Variants in PRKG1 observed in about 807,000 individuals in gnomAD.
PRKG1 encodes cGMP-dependent protein kinase 1.
PRKG1 carries 35 observed loss-of-function variants against 88.1 expected under a neutral mutation model. The observed-to-expected ratio is 0.40, with a 90% CI of 0.30 to 0.53. The LOEUF is 0.53. Among genes scored for constraint, PRKG1 ranks in the 20% least tolerant of loss-of-function variants. PRKG1 has a pLI of 0.59. For synonymous variants in PRKG1, 303 were observed against 292.5 expected, an observed-to-expected ratio of 1.04 and a Z score of -0.37; for missense variants, 540 against 839.8, an observed-to-expected ratio of 0.64 and a Z score of 4.41.
At chr10:51,841,666 C>T (rs560383369) in intron 4 of PRKG1, among the ~76,000 whole-genome samples, 44 of 151,462 alleles carry the variant, frequency 2.9e-4, no homozygotes, top group Non-Finnish European at 5.3e-4. Context: ...AAAAAAAGAC[C>T]AAAATATGGT....
At chr10:51,588,143 A>C (rs1345594832) in intron 3 of PRKG1, among the ~76,000 whole-genome samples, 1 of 152,188 alleles carries the variant, frequency 6.6e-6, no homozygotes, top group African/African-American at 2.4e-5. Context: ...TCATTCATTT[A>C]AACCAGAAAA....
intron 2 of PRKG1, among the ~76,000 whole-genome samples, chr10:51,329,707 C>G (rs907130299): frequency 6.6e-6 from 1 of 152,094 alleles, no homozygotes; most frequent in African/African-American, 2.4e-5. Context: ...GTATTCTTAG[C>G]TGGGTTCCTT....
chr10:51,595,362 C>T (rs929386670), intron 3 of PRKG1, among the ~76,000 whole-genome samples: 9 of 152,124 alleles, frequency 5.9e-5, no homozygotes, highest in Non-Finnish European at 1.3e-4. Context: ...GTGGTGGTGG[C>T]TCATGCCTGT....
chr10:52,001,050 G>A (rs1196516080), intron 5 of PRKG1, among the ~76,000 whole-genome samples: 5 of 151,822 alleles, frequency 3.3e-5, no homozygotes, highest in Non-Finnish European at 7.4e-5. Flanking sequence ...CTATTACGGT[G>A]GGTTCAAAGT....
chr10:52,026,977 A>G (rs1014135607), intron 5 of PRKG1, among the ~76,000 whole-genome samples: 2 of 152,146 alleles, frequency 1.3e-5, no homozygotes, highest in African/African-American at 4.8e-5. Flanking sequence ...ACTCCGTCAA[A>G]AAAACAATAA....
intron 3 of PRKG1, among the ~76,000 whole-genome samples, chr10:51,551,194 C>A (rs541989321): frequency 6.6e-6 from 1 of 151,824 alleles, no homozygotes; most frequent in Non-Finnish European, 1.5e-5. Flanking sequence ...GACAACTCTA[C>A]ATATCATGCT....
chr10:51,625,942 G>T (rs1444348531), intron 3 of PRKG1, among the ~76,000 whole-genome samples: 1 of 152,106 alleles, frequency 6.6e-6, no homozygotes, highest in African/African-American at 2.4e-5. Flanking sequence ...ACTCTACCTT[G>T]CAATCCATTT....
intron 5 of PRKG1, among the ~76,000 whole-genome samples, chr10:51,922,115 T>A (rs1842475061): frequency 6.6e-6 from 1 of 151,888 alleles, no homozygotes; most frequent in Admixed American, 6.6e-5. Context: ...AGATTATATC[T>A]CTTTGTGTGT....
chr10:51,490,164 T>A (rs1840668081), intron 3 of PRKG1, among the ~76,000 whole-genome samples: 1 of 152,152 alleles, frequency 6.6e-6, no homozygotes, highest in African/African-American at 2.4e-5. Context: ...CAGCTCTGAC[T>A]GATTTGAACA....
intron 3 of PRKG1, among the ~76,000 whole-genome samples, chr10:51,502,151 G>T (rs569566483): frequency 2.0e-5 from 3 of 152,120 alleles, no homozygotes; most frequent in Non-Finnish European, 4.4e-5. Flanking sequence ...CTCTATCCAG[G>T]CCTGAGGTCA....
intron 3 of PRKG1, among the ~76,000 whole-genome samples, chr10:51,711,526 C>T (rs1380337690): frequency 1.3e-5 from 2 of 152,198 alleles, no homozygotes; most frequent in Non-Finnish European, 2.9e-5. Flanking sequence ...AGTGTGTATG[C>T]TTCCTGTTGT....
At chr10:52,002,206 G>A (rs982149613) in intron 5 of PRKG1, among the ~76,000 whole-genome samples, 8 of 152,084 alleles carry the variant, frequency 5.3e-5, no homozygotes, top group African/African-American at 1.9e-4. Flanking sequence ...TTTTAATACT[G>A]CCTTCTTTTT....
At chr10:51,193,766 C>T (rs182602995) in intron 2 of PRKG1, among the ~76,000 whole-genome samples, 2 of 152,070 alleles carry the variant, frequency 1.3e-5, no homozygotes, top group Admixed American at 6.6e-5. Context: ...TTAATGTTCT[C>T]AAAATGTGTA....
chr10:51,345,576 G>T (rs772992430), intron 2 of PRKG1, among the ~76,000 whole-genome samples: 27 of 151,724 alleles, frequency 1.8e-4, no homozygotes, highest in Admixed American at 3.9e-4. Flanking sequence ...CACTTTTGAG[G>T]CTACTCGTTT....
intron 4 of PRKG1, among the ~76,000 whole-genome samples, chr10:51,905,652 G>T (rs368599830): frequency 7.9e-5 from 12 of 151,886 alleles, no homozygotes; most frequent in African/African-American, 2.9e-4. Context: ...AAGTTTTATT[G>T]GTTTGTGCAT....
At chr10:51,931,512 A>C (rs80150091) in intron 5 of PRKG1, among the ~76,000 whole-genome samples, 2,791 of 152,300 alleles carry the variant, frequency 0.018, 97 homozygotes, top group African/African-American at 0.064. Flanking sequence ...TGGAGGAATC[A>C]ACCAGACCAA....
intron 2 of PRKG1, among the ~76,000 whole-genome samples, chr10:51,368,536 T>A (rs552085142): frequency 2.2e-4 from 34 of 152,234 alleles, no homozygotes; most frequent in African/African-American, 6.0e-4. Context: ...TGGGTTTATA[T>A]TCCTCCAAAA....
intron 5 of PRKG1, among the ~76,000 whole-genome samples, chr10:51,940,370 A>G (rs564080071): frequency 6.6e-6 from 1 of 151,958 alleles, no homozygotes; most frequent in South Asian, 2.1e-4. Flanking sequence ...CAGGAAACGT[A>G]CTTTTCTCCA....
intron 2 of PRKG1, among the ~76,000 whole-genome samples, chr10:51,266,625 A>T (rs1839842468): frequency 6.6e-6 from 1 of 152,218 alleles, no homozygotes; most frequent in Non-Finnish European, 1.5e-5. Flanking sequence ...GTTTGGTTAC[A>T]ACAGAACTTT....
Sources: allele counts gnomAD v4.1 joint callset (sites outside exome capture counted in the v4.1 genomes callset), GRCh38; gene constraint gnomAD v4.1.1; transcripts MANE v1.5; gene names NCBI Gene and HGNC (gene_info 2026-07-23, HGNC 2026-07-21).